The following SLX4IP variants were observed in gnomAD, a reference collection of about 807,000 sequenced individuals.
SLX4IP encodes the protein SLX4 interacting protein.
Under a neutral mutation model 32.9 loss-of-function variants are expected in SLX4IP, and 34 were observed. That is an observed-to-expected ratio of 1.03 (90% CI 0.79 to 1.38). The LOEUF (loss-of-function observed/expected upper bound fraction) is 1.38, where lower values mean the gene tolerates loss of function less well. Among genes scored for constraint, SLX4IP ranks in the 40% most tolerant of loss-of-function variants. The pLI is 0.00. For missense variants in SLX4IP, 444 were observed against 479.0 expected, an observed-to-expected ratio of 0.93 and a Z score of 0.68; for synonymous variants, 172 against 171.7, an observed-to-expected ratio of 1.00 and a Z score of -0.01.
intron 2 of SLX4IP, among the ~76,000 whole-genome samples, chr20:10,480,301 G>A (rs187901552): frequency 3.0e-4 from 45 of 152,136 alleles, no homozygotes; most frequent in South Asian, 6.2e-4. Context: ...GATTGGGGCC[G>A]AGATGGGAGG....
chr20:10,530,749 A>G lies in SLX4IP; in HGVS notation c.28-25482A>G, dbSNP rs190772821. Among the ~76,000 whole-genome samples, 5 of 152,290 alleles carry G rather than the reference A, an allele frequency of 3.3e-5. No individual in the cohort carries two copies. The East Asian group carries it at 9.7e-4, about 29-fold the overall frequency. On this transcript the variant is annotated intron_variant, in intron 2 of 7. Transcript: ENST00000334534. The stretch of plus-strand genomic sequence containing the variant: ...TGATTTGATTATAAAAAGAAAATTA[A>G]TTTTGCTATTGAAACAAATCTTTAA...
At chr20:10,512,778 CTA>C (rs57942782) in intron 2 of SLX4IP, among the ~76,000 whole-genome samples, 2,371 of 24,576 alleles carry the variant, frequency 0.096, 44 homozygotes, top group Non-Finnish European at 0.14. Flanking sequence ...CACACACACT[CTA>C]TATATATATA....
intron 6 of SLX4IP, among the ~76,000 whole-genome samples, chr20:10,604,186 C>A (rs889534775): frequency 1.3e-5 from 2 of 152,218 alleles, no homozygotes; most frequent in African/African-American, 4.8e-5. Context: ...TCAAGAACAT[C>A]TGACTGGGCA....
rs2067188793 is a variant in SLX4IP at position 10,627,662 on chromosome 20, A to G, written c.*4283A>G. The G allele has an allele frequency of 6.6e-6, 1 of 152,206 alleles. No homozygotes were observed. Among genetic ancestry groups the G allele is most frequent in the Non-Finnish European group, 1.5e-5 (1 of 68,024 alleles). 9.4% of individuals were successfully genotyped at this position (152,206 alleles called of 1,614,324 possible). On this transcript the variant is annotated 3_prime_UTR_variant, in exon 8 of 8. Coordinates refer to ENST00000334534, the MANE Select transcript of SLX4IP (RefSeq NM_001009608.3). ...CTGGGCTTGAATTTAATCATAGTCA[A>G]ATGTTTCCTCTGGCAGCATAATATT...
chr20:10,550,474 C>T (rs1488010886), intron 2 of SLX4IP, among the ~76,000 whole-genome samples: 2 of 152,160 alleles, frequency 1.3e-5, no homozygotes, highest in Admixed American at 6.5e-5. Context: ...TTCTGAGTGT[C>T]CCTCAAATGT....
At chr20:10,458,484 G>A (rs1008120798) in intron 2 of SLX4IP, among the ~76,000 whole-genome samples, 70 of 152,188 alleles carry the variant, frequency 4.6e-4, no homozygotes, top group African/African-American at 1.7e-3. Flanking sequence ...TAAGCCCAGT[G>A]TCCATTAGCT....
At chr20:10,530,937 C>T (rs1052369302) in intron 2 of SLX4IP, among the ~76,000 whole-genome samples, 1 of 152,148 alleles carries the variant, frequency 6.6e-6, no homozygotes, top group African/African-American at 2.4e-5. Flanking sequence ...CAGAGAGTAC[C>T]ACAGTGGTGT....
intron 4 of SLX4IP, among the ~76,000 whole-genome samples, chr20:10,573,215 A>C (rs2066486437): frequency 6.6e-6 from 1 of 152,144 alleles, no homozygotes; most frequent in Admixed American, 6.5e-5. Context: ...TCCTATTTAA[A>C]ATAAATTTCA....
chr20:10,474,439 G>A (rs1286046014), intron 2 of SLX4IP, among the ~76,000 whole-genome samples: 2 of 152,170 alleles, frequency 1.3e-5, no homozygotes, highest in Non-Finnish European at 2.9e-5. Context: ...ATTTAATGAG[G>A]CCCCATACAA....
At chr20:10,612,316 T>G (rs1470372331) in intron 6 of SLX4IP, among the ~76,000 whole-genome samples, 2 of 152,202 alleles carry the variant, frequency 1.3e-5, no homozygotes, top group Admixed American at 6.5e-5. Context: ...AAGCTGGCCC[T>G]GGGACAAGCC....
chr20:10,506,576 G>A (rs578155319), intron 2 of SLX4IP, among the ~76,000 whole-genome samples: 222 of 152,320 alleles, frequency 1.5e-3, no homozygotes, highest in Admixed American at 3.1e-3. Context: ...ACAAGAAGAT[G>A]TTTATGATTG....
chr20:10,479,657 A>G (rs2065505509), intron 2 of SLX4IP, among the ~76,000 whole-genome samples: 1 of 143,308 alleles, frequency 7.0e-6, no homozygotes, highest in South Asian at 2.3e-4. Flanking sequence ...CGAATTGCAT[A>G]TTTCTATTAC....
At chr20:10,524,318 GCT>G (rs778633144) in intron 2 of SLX4IP, among the ~76,000 whole-genome samples, 20 of 152,210 alleles carry the variant, frequency 1.3e-4, no homozygotes, top group Non-Finnish European at 2.1e-4. Flanking sequence ...CTCTTCTCAG[GCT>G]CTGTTTTTGT....
At chr20:10,496,030 G>T (rs2065664916) in intron 2 of SLX4IP, among the ~76,000 whole-genome samples, 2 of 144,388 alleles carry the variant, frequency 1.4e-5, no homozygotes, top group South Asian at 4.3e-4. Context: ...GTTGTTGTTT[G>T]GTTGATTTTT....
At chr20:10,475,678 T>G (rs773735628) in intron 2 of SLX4IP, among the ~76,000 whole-genome samples, 11 of 152,206 alleles carry the variant, frequency 7.2e-5, no homozygotes, top group Admixed American at 2.6e-4. Flanking sequence ...AAGTGACATA[T>G]CCTACAAAAC....
At chr20:10,439,341 T>C (rs1008661309) in intron 1 of SLX4IP, among the ~76,000 whole-genome samples, 9 of 152,272 alleles carry the variant, frequency 5.9e-5, no homozygotes, top group Admixed American at 5.9e-4. Context: ...CCCGAGTAGC[T>C]GGGACTACAG....
intron 1 of SLX4IP, among the ~76,000 whole-genome samples, chr20:10,435,654 G>T (rs1283482644): frequency 6.6e-6 from 1 of 152,172 alleles, no homozygotes; most frequent in Non-Finnish European, 1.5e-5. Context: ...GGGCATTACG[G>T]TGGAGATATT....
chr20:10,436,507 C>A (rs900874497), intron 1 of SLX4IP, among the ~76,000 whole-genome samples: 1 of 152,118 alleles, frequency 6.6e-6, no homozygotes, highest in Non-Finnish European at 1.5e-5. Flanking sequence ...CAGGCGCGCG[C>A]CACCACCCCC....
chr20:10,531,974 C>T (rs926341451), intron 2 of SLX4IP, among the ~76,000 whole-genome samples: 4 of 152,164 alleles, frequency 2.6e-5, no homozygotes, highest in Admixed American at 2.6e-4. Context: ...TACACATGCC[C>T]TGCTTCATCT....
Sources: allele counts gnomAD v4.1 joint callset (sites outside exome capture counted in the v4.1 genomes callset), GRCh38; gene constraint gnomAD v4.1.1; transcripts MANE v1.5; gene names NCBI Gene and HGNC (gene_info 2026-07-23, HGNC 2026-07-21).